PLEKHA5: variants seen among roughly 807,000 people sequenced by gnomAD.
PLEKHA5 encodes pleckstrin homology domain-containing family A member 5.
In PLEKHA5, 55 loss-of-function variants were observed where a neutral mutation model predicts 181.9. The ratio of observed to expected loss-of-function variants is 0.30; its 90% CI spans 0.24 to 0.38. The LOEUF (loss-of-function observed/expected upper bound fraction) is 0.38. Ranked by LOEUF, PLEKHA5 falls within the 10% of genes least tolerant of loss-of-function variation. PLEKHA5 has a pLI of 1.00. For synonymous variants in PLEKHA5, 535 were observed against 529.4 expected (o/e 1.01, Z -0.15); for missense variants, 1,432 against 1,549.5 (o/e 0.92, Z 1.27).
rs35786136 is a variant in PLEKHA5 at position 19,376,148 on chromosome 12, TA to T, written c.*643del. 161 of 142,632 alleles carry T rather than the reference TA, an allele frequency of 1.1e-3. 1 individual carries two copies. Among genetic ancestry groups the T allele is most frequent in the Admixed American group, 2.6e-3 (37 of 14,166 alleles). 8.8% of individuals were successfully genotyped at this position (142,632 alleles called of 1,614,324 possible). ...ACAAATGTTACTGCTTATCTTTTCT[TA>T]AAAAAAAAAAAAACAAAGTGTAGGT... On this transcript the variant is annotated 3_prime_UTR_variant, in exon 32 of 32. Transcript: ENST00000429027.
intron 3 of PLEKHA5, among the ~76,000 whole-genome samples, chr12:19,212,164 G>C (rs756922711): frequency 1.3e-5 from 2 of 152,156 alleles, no homozygotes; most frequent in Non-Finnish European, 2.9e-5. Flanking sequence ...AGTCACATCT[G>C]CTAAGTCTTT....
intron 31 of PLEKHA5, chr12:19,372,155 C>T (rs1184241073): frequency 6.6e-6 from 1 of 152,280 alleles, no homozygotes; most frequent in African/African-American, 2.4e-5. Context: ...CGTGTGCCAC[C>T]ACACCCAGCT....
At chr12:19,344,206 G>T (rs542335670) in intron 22 of PLEKHA5, among the ~76,000 whole-genome samples, 2 of 152,156 alleles carry the variant, frequency 1.3e-5, no homozygotes, top group African/African-American at 4.8e-5. Flanking sequence ...TTATTTTAAT[G>T]CATTTTTCTG....
At chr12:19,261,805 T>A (rs189653009) in intron 7 of PLEKHA5, among the ~76,000 whole-genome samples, 2 of 152,366 alleles carry the variant, frequency 1.3e-5, no homozygotes, top group African/African-American at 2.4e-5. Context: ...TAGAACTGAT[T>A]AGCAGTTTCT....
intron 13 of PLEKHA5, 32 bp from the exon 14 acceptor site, chr12:19,290,645 A>G: frequency 1.3e-6 from 2 of 1,510,372 alleles, no homozygotes; most frequent in Non-Finnish European, 1.8e-6. Flanking sequence ...TCTGTTTTCC[A>G]CTGTTTGGAT....
At chr12:19,214,480 G>A (rs1429390430) in intron 3 of PLEKHA5, among the ~76,000 whole-genome samples, 1 of 152,164 alleles carries the variant, frequency 6.6e-6, no homozygotes, top group Non-Finnish European at 1.5e-5. Context: ...AAGAATGGGA[G>A]TGACTAAAGT....
chr12:19,165,553 T>C (rs1035560394), intron 3 of PLEKHA5, among the ~76,000 whole-genome samples: 2 of 152,142 alleles, frequency 1.3e-5, no homozygotes, highest in Non-Finnish European at 2.9e-5. Flanking sequence ...TTAGAGAGTG[T>C]TTATTTAATC....
At chr12:19,328,332 G>A (rs917272718) in intron 20 of PLEKHA5, among the ~76,000 whole-genome samples, 1 of 152,078 alleles carries the variant, frequency 6.6e-6, no homozygotes, top group Non-Finnish European at 1.5e-5. Flanking sequence ...ATGAATTTAA[G>A]AATTTGTTTT....
chr12:19,182,103 AT>A (rs2048747928), intron 3 of PLEKHA5, among the ~76,000 whole-genome samples: 1 of 152,130 alleles, frequency 6.6e-6, no homozygotes, highest in South Asian at 2.1e-4. Flanking sequence ...TTGGGTTATT[AT>A]TTATTTTTAC....
intron 10 of PLEKHA5, among the ~76,000 whole-genome samples, chr12:19,271,761 A>G (rs1482369205): frequency 1.3e-5 from 2 of 152,172 alleles, no homozygotes; most frequent in African/African-American, 4.8e-5. Context: ...GCAACCTGAT[A>G]GTTCACTAGT....
At chr12:19,156,049 G>A (rs889382098) in intron 3 of PLEKHA5, among the ~76,000 whole-genome samples, 2 of 152,138 alleles carry the variant, frequency 1.3e-5, no homozygotes, top group Non-Finnish European at 2.9e-5. Context: ...AATTATTTGT[G>A]TTAAAAAGTA....
Position 19,274,649 on chromosome 12 carries a change from G to T in PLEKHA5, c.979G>T (p.Ala327Ser), listed in dbSNP as rs771443913. Residue 327 changes from alanine (A) to serine (S), a missense_variant, in exon 11 of 32, where the codon GCA becomes TCA. Physicochemically the swap from Ala to Ser is moderately conservative, Grantham distance 99. Transcript: ENST00000429027. ...AATGAGCAAAATTGAAGAAAAAAAG[G>T]CATTAGAAGCTGAAAAATATGGATT... The part of the protein sequence containing the change: ...KEMSKIEEKK[A>S]LEAEKYGFQK... 8 of 1,613,424 alleles carry T rather than the reference G, an allele frequency of 5.0e-6. No homozygotes were observed. Among genetic ancestry groups the T allele is most frequent in the Non-Finnish European group, 5.1e-6 (6 of 1,179,604 alleles).
chr12:19,175,837 T>C (rs1007453959), intron 3 of PLEKHA5, among the ~76,000 whole-genome samples: 3 of 152,186 alleles, frequency 2.0e-5, no homozygotes, highest in Admixed American at 6.5e-5. Flanking sequence ...TAAATTCTCT[T>C]AAACAAACAT....
chr12:19,216,878 A>T (rs1357290561), intron 3 of PLEKHA5, among the ~76,000 whole-genome samples: 1 of 152,150 alleles, frequency 6.6e-6, no homozygotes, highest in Non-Finnish European at 1.5e-5. Context: ...AATATGTTAA[A>T]TATAACCTGG....
At chr12:19,335,519 G>A (rs189738441) in intron 20 of PLEKHA5, among the ~76,000 whole-genome samples, 8 of 150,532 alleles carry the variant, frequency 5.3e-5, no homozygotes, top group East Asian at 2.0e-4. Context: ...AGGTTCAAGC[G>A]ATTCTCCTGC....
intron 24 of PLEKHA5, 136 bp from the exon 25 acceptor site, chr12:19,348,263 G>C (rs2094435428): frequency 1.7e-6 from 1 of 595,072 alleles, no homozygotes; most frequent in Admixed American, 3.6e-5. Context: ...TTGTGACATA[G>C]GTATTATTTG....
chr12:19,237,981 C>G (rs1215756834), intron 3 of PLEKHA5, among the ~76,000 whole-genome samples: 2 of 151,868 alleles, frequency 1.3e-5, no homozygotes, highest in African/African-American at 4.8e-5. Flanking sequence ...CAAACAAAAG[C>G]CTACAAAGTC....
rs763718426 is a variant in PLEKHA5 at position 19,361,627 on chromosome 12, G to A, written c.3529G>A (p.Glu1177Lys). 1.9e-6 allele frequency: 3 copies of A among 1,563,390 alleles called. No individual in the cohort carries two copies. Among genetic ancestry groups the A allele is most frequent in the Non-Finnish European group, 1.8e-6 (2 of 1,138,894 alleles). ...TTCATATGAAATGCTTTTTGAACCT[G>A]AGCCAAATGGAGTAAATTCTGTGGA... ...NISYEMLFEP[E>K]PNGVNSVEMM... Residue 1177 changes from glutamate (E) to lysine (K), a missense_variant, in exon 29 of 32, where the codon GAG (glutamate) becomes AAG (lysine). Glu to Lys is a moderately conservative substitution (Grantham distance 56, BLOSUM62 1). Around this residue, in one of 2 missense-constraint regions of PLEKHA5, gnomAD observed 1,143 missense variants for 1,168.4 expected, o/e 0.98. Transcript: ENST00000429027.
rs193019207 is a variant in PLEKHA5 at position 19,185,503 on chromosome 12, G to A, written c.227+53053G>A. Among the ~76,000 whole-genome samples, 349 of 152,258 alleles carry A rather than the reference G, an allele frequency of 2.3e-3. 2 individuals carry two copies. The highest frequency in any genetic ancestry group is 3.4e-3 in the Middle Eastern group (1 of 294). ...AGAGAGGAGGGGTAGGGATGGCCTG[G>A]GAGGAGGAGAGAGAAGAGTAGGAGG... On this transcript the variant is annotated intron_variant, in intron 3 of 31. Coordinates refer to ENST00000429027, the MANE Select transcript of PLEKHA5 (RefSeq NM_001256470.2).
Sources: gnomAD v4.1 joint callset for allele counts (sites outside exome capture counted in the v4.1 genomes callset) on GRCh38, gnomAD v4.1.1 for gene constraint, gnomAD v4.1.1 regional missense constraint, MANE v1.5 for transcripts, NCBI Gene and HGNC (gene_info 2026-07-23, HGNC 2026-07-21) for gene names.